The following AQP9 variants were observed in gnomAD, a reference collection of about 807,000 sequenced individuals.
The protein encoded by AQP9 is aquaporin-9.
In AQP9, 19 loss-of-function variants were observed where a neutral mutation model predicts 23.8. That is an observed-to-expected ratio of 0.80 (90% confidence interval 0.56 to 1.17). The LOEUF is 1.17. Ranked by LOEUF, AQP9 falls within the 50% of genes most tolerant of loss-of-function variation. The probability of loss-of-function intolerance (pLI) is 0.00; values close to 1 mark genes in which losing one functional copy is unlikely to be tolerated. For missense variants in AQP9, 413 were observed against 362.0 expected, an observed-to-expected ratio of 1.14 and a Z score of -1.14; for synonymous variants, 153 against 131.5, an observed-to-expected ratio of 1.16 and a Z score of -1.12.
At chr15:58,161,215 G>T (rs1042450553) in intron 1 of AQP9, among the ~76,000 whole-genome samples, 2 of 152,150 alleles carry the variant, frequency 1.3e-5, no homozygotes, top group Non-Finnish European at 2.9e-5. Context: ...GGGTGGCCAA[G>T]GGAGAGAAGG....
intron 1 of AQP9, among the ~76,000 whole-genome samples, chr15:58,156,464 C>T (rs1898261569): frequency 6.6e-6 from 1 of 152,112 alleles, no homozygotes; most frequent in Admixed American, 6.6e-5. Context: ...ACTAAGCCAA[C>T]ACGAATATCA....
intron 1 of AQP9, chr15:58,152,101 T>C (rs2140595602): frequency 6.6e-6 from 1 of 152,312 alleles, no homozygotes; most frequent in African/African-American, 2.4e-5. Context: ...TGGAGTCACT[T>C]CATCTTTACT....
chr15:58,164,238 C>G (rs1898450278), intron 1 of AQP9: 1 of 152,082 alleles, frequency 6.6e-6, no homozygotes, highest in Non-Finnish European at 1.5e-5. Flanking sequence ...TTTTATGTGC[C>G]CTCTAGACTG....
Position 58,184,347 on chromosome 15 carries a change from A to C in AQP9, c.*212A>C. On this transcript the variant is annotated 3_prime_UTR_variant, in exon 6 of 6. Transcript: ENST00000219919. ...TCCCCCACCCCCACCCCCCAGAATA[A>C]CGCTGACTGTCCCCTGAAACAGCCT... 6 of 492,988 alleles carry C rather than the reference A, an allele frequency of 1.2e-5. No individual in the cohort carries two copies. Among genetic ancestry groups the C allele is most frequent in the Admixed American group, 3.6e-5 (1 of 28,124 alleles). The allele number at this position is 492,988 out of a possible 1,614,324, so 30.5% of individuals were successfully genotyped here.
rs377352019 is a variant in AQP9, at chr15:58,179,321, C to T, written c.689C>T (p.Ala230Val). ...AGTCCCAGACTTTTCACTGCCTTGG[C>T]AGGCTGGGGGTTTGAAGTCTTCAGG... is the stretch of plus-strand genomic sequence containing the variant. ...DLSPRLFTAL[A>V]GWGFEVFRAG... Residue 230 changes from alanine (A) to valine (V), a missense_variant, in exon 5 of 6, where the codon GCA (alanine) becomes GTA (valine). Ala to Val is a moderately conservative substitution (Grantham distance 64, BLOSUM62 0). Coordinates refer to ENST00000219919, the MANE Select transcript of AQP9 (RefSeq NM_020980.5). 2 of 1,613,518 alleles carry T rather than the reference C, an allele frequency of 1.2e-6. No individual in the cohort carries two copies. Among genetic ancestry groups the T allele is most frequent in the Non-Finnish European group, 1.7e-6 (2 of 1,179,760 alleles).
chr15:58,166,923 G>C, intron 2 of AQP9, 124 bp downstream of exon 2: 8 of 1,266,722 alleles, frequency 6.3e-6, no homozygotes, highest in Non-Finnish European at 7.3e-6. Context: ...GTGTGTATTG[G>C]ATCCCATTTT....
intron 1 of AQP9, among the ~76,000 whole-genome samples, chr15:58,148,849 C>G (rs1182473432): frequency 6.6e-6 from 1 of 152,124 alleles, no homozygotes. Context: ...TTGGAGAGCA[C>G]TGAGGCTGGC....
chr15:58,143,236 A>T (rs1897981393), intron 1 of AQP9, among the ~76,000 whole-genome samples: 1 of 152,212 alleles, frequency 6.6e-6, no homozygotes. Flanking sequence ...AAATCTGAAC[A>T]TGCAGAAGTG....
At chr15:58,174,803 A>T (rs759256882) in intron 3 of AQP9, 115 bp from the exon 4 acceptor site, 87 of 810,000 alleles carry the variant, frequency 1.1e-4, no homozygotes, top group Non-Finnish European at 1.7e-4. Context: ...GAGACAAATG[A>T]CATGGCTATG....
intron 4 of AQP9, 36 bp from the exon 5 acceptor site, chr15:58,179,092 C>A (rs1443812684): frequency 1.4e-6 from 2 of 1,464,520 alleles, no homozygotes; most frequent in Admixed American, 1.7e-5. Flanking sequence ...GAGCAGAATG[C>A]AGGCTAAAGC....
intron 3 of AQP9, among the ~76,000 whole-genome samples, chr15:58,173,759 C>T (rs1027518402): frequency 2.0e-5 from 3 of 152,190 alleles, no homozygotes; most frequent in African/African-American, 7.2e-5. Flanking sequence ...ACCTGTGCAA[C>T]TTAAATAAGT....
Position 58,184,234 on chromosome 15 carries a change from C to T in AQP9, c.*99C>T. ...CTTGTAAGCCTGAGGTGGAATCCAC[C>T]CAGTTTTGTCTGCTAGCCATATGGG... On this transcript the variant is annotated 3_prime_UTR_variant, in exon 6 of 6. Coordinates refer to ENST00000219919, the MANE Select transcript of AQP9 (RefSeq NM_020980.5). The T allele has an allele frequency of 1.5e-6, 2 of 1,309,464 alleles. No individual in the cohort carries two copies. The highest frequency in any genetic ancestry group is 2.1e-6 in the Non-Finnish European group (2 of 945,842). The allele number at this position is 1,309,464 out of a possible 1,614,324, so 81.1% of individuals were successfully genotyped here.
intron 1 of AQP9, chr15:58,154,379 C>T (rs377547456): frequency 6.6e-6 from 1 of 152,056 alleles, no homozygotes; most frequent in South Asian, 2.1e-4. Flanking sequence ...CCTCTTCTAA[C>T]TCTAATCTTA....
At chr15:58,164,960 GTTA>G (rs1438865703) in intron 1 of AQP9, among the ~76,000 whole-genome samples, 4 of 152,024 alleles carry the variant, frequency 2.6e-5, no homozygotes, top group Non-Finnish European at 5.9e-5. Context: ...TCAATAGTAG[GTTA>G]TTATCTTCCT....
At chr15:58,170,666 G>A (rs1276224386) in intron 2 of AQP9, among the ~76,000 whole-genome samples, 3 of 152,036 alleles carry the variant, frequency 2.0e-5, no homozygotes, top group African/African-American at 7.2e-5. Flanking sequence ...GCCTCCCAAA[G>A]TGCTGAGATT....
intron 1 of AQP9, among the ~76,000 whole-genome samples, chr15:58,165,423 A>T (rs1472260170): frequency 1.3e-5 from 2 of 152,218 alleles, no homozygotes; most frequent in African/African-American, 4.8e-5. Context: ...TACAATGAAA[A>T]GTTCTCTTCC....
rs545890225 is a variant in AQP9, at chr15:58,140,820, A to G, written c.111+2144A>G. 1.4e-4 allele frequency among the ~76,000 whole-genome samples: 22 copies of G among 152,180 alleles called. No homozygotes were observed. In the South Asian group the frequency reaches 4.4e-3, roughly 30 times the overall value. On this transcript the variant is annotated intron_variant, in intron 1 of 5. Coordinates refer to ENST00000219919, the MANE Select transcript of AQP9 (RefSeq NM_020980.5). ...GGTTCTATTTTTTTTCCCTCCTTTC[A>G]AAAACTGCTCTTATGGGGAGCATCT...
intron 1 of AQP9, chr15:58,151,519 TAAC>T (rs1156573951): frequency 2.0e-4 from 30 of 152,202 alleles, no homozygotes; most frequent in African/African-American, 6.3e-4. Context: ...CTTCTAATCT[TAAC>T]AACCTATTAC....
chr15:58,184,901 G>GA lies in AQP9; in HGVS notation c.*771dup, dbSNP rs1898986123. On this transcript the variant is annotated 3_prime_UTR_variant, in exon 6 of 6. Transcript: ENST00000219919. ...AAAATACCATTGTAACCTCAGTCAT[G>GA]AAAAATACATCACTCTGTCTTTTTA... 1 of 152,050 alleles carries GA rather than the reference G, an allele frequency of 6.6e-6. No individual in the cohort carries two copies. The highest frequency in any genetic ancestry group is 2.4e-5 in the African/African-American group (1 of 41,406). 9.4% of individuals were successfully genotyped at this position (152,050 alleles called of 1,614,324 possible).
Sources: gnomAD v4.1 joint callset for allele counts (sites outside exome capture counted in the v4.1 genomes callset) on GRCh38, gnomAD v4.1.1 for gene constraint, MANE v1.5 for transcripts, NCBI Gene and HGNC (gene_info 2026-07-23, HGNC 2026-07-21) for gene names.